Variants in LRRIQ1 observed in about 807,000 individuals in gnomAD.
The protein encoded by LRRIQ1 is leucine-rich repeat- and IQ domain-containing protein 1.
Under a neutral mutation model 211.9 loss-of-function variants are expected in LRRIQ1, and 210 were observed. The observed-to-expected ratio is 0.99, with a 90% CI of 0.89 to 1.11. The LOEUF is 1.11. Ranked by LOEUF, LRRIQ1 falls within the 50% of genes most tolerant of loss-of-function variation. The probability of loss-of-function intolerance (pLI) is 0.00; values close to 1 mark genes in which losing one functional copy is unlikely to be tolerated. For synonymous variants in LRRIQ1, 699 were observed against 650.1 expected (o/e 1.08, Z -1.14); for missense variants, 2,136 against 1,939.5 (o/e 1.10, Z -1.90).
At chr12:85,127,427 A>T (rs1487654579) in intron 17 of LRRIQ1, among the ~76,000 whole-genome samples, 1 of 152,058 alleles carries the variant, frequency 6.6e-6, no homozygotes, top group Non-Finnish European at 1.5e-5. Flanking sequence ...TTACATTCGA[A>T]GGTAATTTCT....
intron 8 of LRRIQ1, among the ~76,000 whole-genome samples, chr12:85,060,047 T>C (rs759040141): frequency 3.3e-5 from 5 of 151,956 alleles, no homozygotes; most frequent in African/African-American, 1.2e-4. Flanking sequence ...TGACACCTTA[T>C]GCAAATGCTT....
chr12:85,246,248 A>C (rs1378688646), downstream of LRRIQ1, among the ~76,000 whole-genome samples: 1 of 151,248 alleles, frequency 6.6e-6, no homozygotes, highest in Non-Finnish European at 1.5e-5. Context: ...AAATATTTTA[A>C]GTTTAAATTA....
rs141466771 is a variant in LRRIQ1 at position 85,142,677 on chromosome 12, G to A, written c.4329+4708G>A. 5.1e-4 allele frequency among the ~76,000 whole-genome samples: 77 copies of A among 151,548 alleles called. 2 individuals carry two copies. In the Middle Eastern group the frequency reaches 0.01, roughly 20 times the overall value. ...TCACCATTATACTCTCTACTTCTGT[G>A]ATATTAAGTTTTTTGGATTCCCTGT... On this transcript the variant is annotated intron_variant, in intron 19 of 26. Transcript: ENST00000393217.
At chr12:85,066,236 C>A (rs1395021153) in intron 9 of LRRIQ1, among the ~76,000 whole-genome samples, 2 of 151,884 alleles carry the variant, frequency 1.3e-5, no homozygotes, top group African/African-American at 4.8e-5. Flanking sequence ...GCATCAGGCT[C>A]AAGCTCAAAG....
chr12:85,251,135 G>T (rs1895933107), intron 1 of LRRIQ1, among the ~76,000 whole-genome samples: 1 of 149,084 alleles, frequency 6.7e-6, no homozygotes, highest in Admixed American at 6.9e-5. Flanking sequence ...CTCTTTAAAA[G>T]AGATTTGCAG....
At chr12:85,218,944 A>G (rs1894276875) in intron 24 of LRRIQ1, among the ~76,000 whole-genome samples, 1 of 152,030 alleles carries the variant, frequency 6.6e-6, no homozygotes, top group African/African-American at 2.4e-5. Context: ...TTTTTGCATT[A>G]CTTTTGATTT....
At chr12:85,246,809 T>A (rs1210108062), downstream of LRRIQ1, among the ~76,000 whole-genome samples, 1 of 151,512 alleles carries the variant, frequency 6.6e-6, no homozygotes, top group Non-Finnish European at 1.5e-5. Context: ...ATAAAATGAT[T>A]ATGAATCAAA....
chr12:85,253,710 A>G (rs1896011688), intron 1 of LRRIQ1, among the ~76,000 whole-genome samples: 1 of 152,006 alleles, frequency 6.6e-6, no homozygotes, highest in Non-Finnish European at 1.5e-5. Context: ...ACAAACACAA[A>G]TGGACACACA....
At chr12:85,069,187 G>A (rs532629786) in intron 10 of LRRIQ1, among the ~76,000 whole-genome samples, 32 of 149,938 alleles carry the variant, frequency 2.1e-4, no homozygotes, top group African/African-American at 6.9e-4. Flanking sequence ...GAGAACATGC[G>A]GTGTTTGGTT....
At chr12:85,053,874 A>AT (rs1880641641) in intron 7 of LRRIQ1, among the ~76,000 whole-genome samples, 1 of 152,184 alleles carries the variant, frequency 6.6e-6, no homozygotes, top group African/African-American at 2.4e-5. Flanking sequence ...CGCCCAGCTA[A>AT]TTTTTTGTAT....
chr12:85,186,669 TAAG>T (rs1892243523), intron 24 of LRRIQ1, among the ~76,000 whole-genome samples: 1 of 152,140 alleles, frequency 6.6e-6, no homozygotes, highest in South Asian at 2.1e-4. Flanking sequence ...ATTTTTTTAA[TAAG>T]AAGCCTGTGT....
intron 24 of LRRIQ1, among the ~76,000 whole-genome samples, chr12:85,206,746 A>G (rs956726730): frequency 1.3e-5 from 2 of 151,948 alleles, no homozygotes; most frequent in Non-Finnish European, 2.9e-5. Flanking sequence ...AGACCCCAGG[A>G]GGCATCCTGT....
Position 85,052,251 on chromosome 12 carries a change from G to GGCT in LRRIQ1, c.753+1_753+2insCTG. On this transcript the variant is annotated inframe_insertion and splice_region_variant. Transcript: ENST00000393217. ...GGAAAGAGAAATTTAAACAGCATGA[G>GGCT]GTATCTATTTGTTGTTTTTATTTAG... is the stretch of plus-strand genomic sequence containing the variant. 6.9e-7 allele frequency: 1 copy of GGCT among 1,447,148 alleles called. No homozygotes were observed. Among genetic ancestry groups the GGCT allele is most frequent in the South Asian group, 1.3e-5 (1 of 78,904 alleles). The allele number at this position is 1,447,148 out of a possible 1,614,324, so 89.6% of individuals were successfully genotyped here.
chr12:85,142,674 T>C (rs1889624004), intron 19 of LRRIQ1, among the ~76,000 whole-genome samples: 1 of 151,556 alleles, frequency 6.6e-6, no homozygotes, highest in Admixed American at 6.6e-5. Context: ...TCTCTACTTC[T>C]GTGATATTAA....
intron 24 of LRRIQ1, among the ~76,000 whole-genome samples, chr12:85,165,178 G>A (rs1891089572): frequency 6.6e-6 from 1 of 151,916 alleles, no homozygotes; most frequent in Non-Finnish European, 1.5e-5. Flanking sequence ...GGGTAACATG[G>A]GCAGTTTTGT....
At chr12:85,214,309 C>G (rs1317188091) in intron 24 of LRRIQ1, among the ~76,000 whole-genome samples, 1 of 152,004 alleles carries the variant, frequency 6.6e-6, no homozygotes, top group African/African-American at 2.4e-5. Context: ...TGACTACAAT[C>G]TCAATTAAAT....
intron 19 of LRRIQ1, among the ~76,000 whole-genome samples, chr12:85,144,301 A>G (rs892099565): frequency 5.3e-5 from 8 of 151,648 alleles, no homozygotes; most frequent in Non-Finnish European, 1.0e-4. Context: ...CACAGTGAAG[A>G]AAAGAGATAA....
chr12:85,175,547 G>C (rs868130788), intron 24 of LRRIQ1, among the ~76,000 whole-genome samples: 1 of 152,136 alleles, frequency 6.6e-6, no homozygotes, highest in South Asian at 2.1e-4. Context: ...TCGTTCAGGG[G>C]TTTTAACAAT....
At chr12:85,203,183 C>T (rs1026776935) in intron 24 of LRRIQ1, among the ~76,000 whole-genome samples, 38 of 152,140 alleles carry the variant, frequency 2.5e-4, no homozygotes, top group African/African-American at 8.9e-4. Flanking sequence ...TTTGCATCTT[C>T]CTCATTCTGT....
Sources: allele counts gnomAD v4.1 joint callset (sites outside exome capture counted in the v4.1 genomes callset), GRCh38; gene constraint gnomAD v4.1.1; transcripts MANE v1.5; gene names NCBI Gene and HGNC (gene_info 2026-07-23, HGNC 2026-07-21).